SLC25A21: variants seen among roughly 807,000 people sequenced by gnomAD.
SLC25A21 encodes solute carrier family 25 member 21.
A neutral mutation model predicts 43.8 loss-of-function variants in SLC25A21; 47 were observed. The ratio of observed to expected loss-of-function variants is 1.07; its 90% CI spans 0.85 to 1.37. The LOEUF is 1.37. Ranked by LOEUF, SLC25A21 falls within the 40% of genes most tolerant of loss-of-function variation. The probability of loss-of-function intolerance (pLI) is 0.00; values close to 1 mark genes in which losing one functional copy is unlikely to be tolerated. For missense variants in SLC25A21, 352 were observed against 350.2 expected (o/e 1.00, Z -0.04); for synonymous variants, 131 against 121.3 (o/e 1.08, Z -0.52).
chr14:37,153,778 C>T (rs560999797), intron 1 of SLC25A21, among the ~76,000 whole-genome samples: 5 of 152,196 alleles, frequency 3.3e-5, no homozygotes, highest in South Asian at 4.1e-4. Context: ...AGCCTAGCTT[C>T]GCTCCTTCAC....
intron 1 of SLC25A21, among the ~76,000 whole-genome samples, chr14:37,095,810 A>G (rs72669535): frequency 0.086 from 3,399 of 39,688 alleles, 87 homozygotes; most frequent in Admixed American, 0.24. Flanking sequence ...ATACACACAC[A>G]CGCGCACGCA....
At chr14:37,101,979 T>C (rs567994619) in intron 1 of SLC25A21, among the ~76,000 whole-genome samples, 41 of 152,306 alleles carry the variant, frequency 2.7e-4, no homozygotes, top group Admixed American at 1.3e-3. Flanking sequence ...TGAGAATATA[T>C]GTTTCACAAA....
At chr14:37,132,206 G>T (rs1190253028) in intron 1 of SLC25A21, among the ~76,000 whole-genome samples, 1 of 152,136 alleles carries the variant, frequency 6.6e-6, no homozygotes, top group Non-Finnish European at 1.5e-5. Context: ...ATTCATGAGG[G>T]TCTTGCCTCT....
chr14:36,911,924 C>G (rs981904791), intron 1 of SLC25A21, among the ~76,000 whole-genome samples: 1 of 152,122 alleles, frequency 6.6e-6, no homozygotes, highest in Non-Finnish European at 1.5e-5. Context: ...CACTTTCTAG[C>G]CTAAACTGAA....
intron 1 of SLC25A21, among the ~76,000 whole-genome samples, chr14:36,984,694 T>C (rs1385736235): frequency 6.6e-6 from 1 of 152,144 alleles, no homozygotes; most frequent in Admixed American, 6.6e-5. Context: ...AAATGTTTTA[T>C]TTTGAAATAA....
chr14:36,768,063 C>T (rs17105258), intron 3 of SLC25A21, among the ~76,000 whole-genome samples: 4,506 of 152,270 alleles, frequency 0.03, 234 homozygotes, highest in African/African-American at 0.1. Context: ...CAGCTCTGTA[C>T]TCTAAAAATC....
chr14:36,698,619 C>G (rs998546401), intron 7 of SLC25A21, among the ~76,000 whole-genome samples: 2 of 152,068 alleles, frequency 1.3e-5, no homozygotes, highest in African/African-American at 2.4e-5. Flanking sequence ...TTTCTTTTTA[C>G]TCTTTTTTTC....
At chr14:36,909,217 G>A (rs185258563) in intron 1 of SLC25A21, among the ~76,000 whole-genome samples, 6 of 152,264 alleles carry the variant, frequency 3.9e-5, no homozygotes, top group Admixed American at 6.5e-5. Context: ...CTTTGAGTAC[G>A]AGGGGTCTGG....
At chr14:37,057,074 A>G (rs1961845559) in intron 1 of SLC25A21, among the ~76,000 whole-genome samples, 1 of 152,220 alleles carries the variant, frequency 6.6e-6, no homozygotes, top group African/African-American at 2.4e-5. Context: ...GTGAATTCTC[A>G]TTTAAATTTT....
chr14:37,024,760 A>G (rs1214983378), intron 1 of SLC25A21, among the ~76,000 whole-genome samples: 1 of 152,102 alleles, frequency 6.6e-6, no homozygotes, highest in African/African-American at 2.4e-5. Flanking sequence ...ACAAAGCAAC[A>G]GATTAGAATT....
intron 2 of SLC25A21, among the ~76,000 whole-genome samples, chr14:36,830,180 T>C (rs1359243766): frequency 6.6e-6 from 1 of 152,224 alleles, no homozygotes. Flanking sequence ...TCATTAGATA[T>C]GTCATAGAGT....
Position 37,172,523 on chromosome 14 carries a change from T to C in SLC25A21, c.-173A>G, listed in dbSNP as rs1363193674. On this transcript the variant is annotated 5_prime_UTR_variant, in exon 1 of 10. Transcript: ENST00000331299. Reference sequence around the variant, plus strand: ...AGCGAGGGTTCGAGGCGCAGATTCGTCGCGCGATCTCCGGCGCGTCGGAAC... The same window carrying C: ...AGCGAGGGTTCGAGGCGCAGATTCGCCGCGCGATCTCCGGCGCGTCGGAAC... The C allele has an allele frequency of 1.3e-6, 1 of 755,612 alleles. No homozygotes were observed. The highest frequency in any genetic ancestry group is 2.0e-5 in the Admixed American group (1 of 50,038). The allele number at this position is 755,612 out of a possible 1,614,324, so 46.8% of individuals were successfully genotyped here. A position where few individuals can be genotyped will look rare whatever the true frequency, so the allele number is the denominator to read the frequency against.
chr14:37,107,887 G>C (rs1177598909), intron 1 of SLC25A21, among the ~76,000 whole-genome samples: 1 of 152,162 alleles, frequency 6.6e-6, no homozygotes, highest in Non-Finnish European at 1.5e-5. Flanking sequence ...TAGTAAAAAT[G>C]ACAATAGGCC....
intron 7 of SLC25A21, among the ~76,000 whole-genome samples, chr14:36,696,152 T>A (rs941054952): frequency 6.6e-6 from 1 of 152,244 alleles, no homozygotes; most frequent in Non-Finnish European, 1.5e-5. Context: ...CTTTTCTGCA[T>A]CTATTGAGAT....
At chr14:37,064,975 A>G (rs1962031156) in intron 1 of SLC25A21, among the ~76,000 whole-genome samples, 1 of 152,232 alleles carries the variant, frequency 6.6e-6, no homozygotes, top group African/African-American at 2.4e-5. Flanking sequence ...AGGATACAAA[A>G]GTAAATAAGA....
chr14:37,100,867 C>A (rs1182356241), intron 1 of SLC25A21, among the ~76,000 whole-genome samples: 1 of 152,146 alleles, frequency 6.6e-6, no homozygotes, highest in Non-Finnish European at 1.5e-5. Flanking sequence ...GGTTGTAGAA[C>A]ACAATTTATA....
intron 1 of SLC25A21, among the ~76,000 whole-genome samples, chr14:36,953,515 C>T (rs1317635360): frequency 6.6e-6 from 1 of 151,956 alleles, no homozygotes; most frequent in East Asian, 1.9e-4. Context: ...AATATGAATC[C>T]CTGCACAATG....
At chr14:36,889,685 G>A (rs934610142) in intron 1 of SLC25A21, among the ~76,000 whole-genome samples, 1 of 151,832 alleles carries the variant, frequency 6.6e-6, no homozygotes, top group Non-Finnish European at 1.5e-5. Flanking sequence ...TAGAGACAGG[G>A]TCTCCACATG....
chr14:36,954,500 T>C (rs1294310981), intron 1 of SLC25A21, among the ~76,000 whole-genome samples: 1 of 151,102 alleles, frequency 6.6e-6, no homozygotes, highest in Non-Finnish European at 1.5e-5. Context: ...TATATATATA[T>C]AAGAAATAAT....
Sources: allele counts gnomAD v4.1 joint callset (sites outside exome capture counted in the v4.1 genomes callset), GRCh38; gene constraint gnomAD v4.1.1; transcripts MANE v1.5; gene names NCBI Gene and HGNC (gene_info 2026-07-23, HGNC 2026-07-21).